The following PPP1R9B variants were observed in gnomAD, a reference collection of about 807,000 sequenced individuals.
PPP1R9B encodes neurabin-2.
PPP1R9B carries 17 observed loss-of-function variants against 75.8 expected under a neutral mutation model. The ratio of observed to expected loss-of-function variants is 0.22; its 90% CI spans 0.15 to 0.34. The LOEUF is 0.34. Among genes scored for constraint, PPP1R9B ranks in the 10% least tolerant of loss-of-function variants. The pLI is 1.00. For synonymous variants in PPP1R9B, 509 were observed against 535.4 expected (o/e 0.95, Z 0.68); for missense variants, 875 against 1,196.0 (o/e 0.73, Z 3.96).
In PPP1R9B at chr17:50,149,007, TG is replaced by T; in HGVS notation, c.1371+135del. On this transcript the variant is annotated intron_variant, in intron 1 of 9. Transcript: ENST00000612501. The surrounding 1 kb of genome is among the most constrained non-coding windows in gnomAD (Gnocchi z 7.2). ...GAACTCCCCCACGCCCCCCTGAGGG[TG>T]GGAACTTCTGGGAAGGGGGCTGGGT... The T allele has an allele frequency of 1.8e-6, 1 of 566,326 alleles. No individual in the cohort carries two copies. The highest frequency in any genetic ancestry group is 2.8e-6 in the Non-Finnish European group (1 of 352,226). 35.1% of individuals were successfully genotyped at this position (566,326 alleles called of 1,614,324 possible).
intron 9 of PPP1R9B, 28 bp from the exon 10 acceptor site, chr17:50,135,412 A>G (rs1469092738): frequency 6.2e-7 from 1 of 1,610,516 alleles, no homozygotes; most frequent in Non-Finnish European, 8.5e-7. Context: ...GTAGGGGGTC[A>G]GGTCTGGACA....
chr17:50,149,312 A>C lies in PPP1R9B; in HGVS notation c.1202T>G (p.Leu401Arg), dbSNP rs769109292. The C allele has an allele frequency of 6.2e-7, 1 of 1,612,646 alleles. No individual in the cohort carries two copies. The highest frequency in any genetic ancestry group is 8.5e-7 in the Non-Finnish European group (1 of 1,179,568). The change falls in exon 1 of 10, where the codon CTC becomes CGC. Residue 401 changes from leucine (L) to arginine (R), a missense_variant. Around this residue, in one of 4 missense-constraint regions of PPP1R9B, gnomAD observed 449 missense variants for 475.0 expected, o/e 0.95. Transcript: ENST00000612501. The surrounding 1 kb of genome is among the most constrained non-coding windows in gnomAD (Gnocchi z 7.2). ...GGCACTGCCCGCAGAGTCCTCCCCG[A>C]GCCCACTGTAGGCGCTCACGTCCAC... is the stretch of plus-strand genomic sequence containing the variant. ...DLVDVSAYSG[L>R]GEDSAGSALE...
At chr17:50,137,688 C>T (rs1396585140) in intron 7 of PPP1R9B, among the ~76,000 whole-genome samples, 1 of 152,192 alleles carries the variant, frequency 6.6e-6, no homozygotes, top group Non-Finnish European at 1.5e-5. Context: ...CCGAAAAATC[C>T]CAATGGCCAC....
rs747092929 is a variant in PPP1R9B at position 50,135,398 on chromosome 17, G to C, written c.2401-14C>G. 3 of 1,613,424 alleles carry C rather than the reference G, an allele frequency of 1.9e-6. No homozygotes were observed. The South Asian group carries it at 3.3e-5, about 18-fold the overall frequency. On this transcript the variant is annotated splice_polypyrimidine_tract_variant and intron_variant, in intron 9 of 9. Transcript: ENST00000612501. Reference sequence around the variant, plus strand: ...CAGTTCTGAGATCTGGAAAACAAAGGAGGGTAGGGGGTCAGGTCTGGACAC... The same window carrying C: ...CAGTTCTGAGATCTGGAAAACAAAGCAGGGTAGGGGGTCAGGTCTGGACAC...
In PPP1R9B at chr17:50,145,504, C is replaced by T. The variant is rs953726064; in HGVS notation, c.1372-259G>A. 4.6e-5 allele frequency among the ~76,000 whole-genome samples: 7 copies of T among 152,274 alleles called. No individual in the cohort carries two copies. The East Asian group carries it at 5.8e-4, about 13-fold the overall frequency. On this transcript the variant is annotated intron_variant, in intron 1 of 9. Coordinates refer to ENST00000612501, the MANE Select transcript of PPP1R9B (RefSeq NM_032595.5). ...CTATTCTCTCTGTAGCTCCAACCAG[C>T]GTGAGCATGGTCTGCCATAGGCACA...
chr17:50,149,616 G>A lies in PPP1R9B; in HGVS notation c.898C>T (p.Pro300Ser), dbSNP rs936193990. ...PKPREVRKIK[P>S]VEVEESGESE... The stretch of plus-strand genomic sequence containing the variant: ...TCCCCGCTCTCCTCCACCTCCACCG[G>A]CTTAATCTTGCGCACCTCCCGGGGC... The change falls in exon 1 of 10, where the codon CCG (proline) becomes TCG (serine). Residue 300 changes from proline to serine, a missense_variant. By Grantham distance (74) the Pro-to-Ser change is moderately conservative (BLOSUM62 -1). This residue lies in a region of PPP1R9B where 449 missense variants were observed against 475.0 expected (regional missense o/e 0.95). Transcript: ENST00000612501. This position sits in a 1 kb window ranked among gnomAD's most constrained non-coding sequence, Gnocchi z 7.2. The A allele has an allele frequency of 1.3e-6, 2 of 1,546,090 alleles. No individual in the cohort carries two copies.
intron 3 of PPP1R9B, 88 bp downstream of exon 3, chr17:50,143,510 C>A: frequency 1.3e-6 from 2 of 1,512,990 alleles, no homozygotes; most frequent in Non-Finnish European, 1.8e-6. Flanking sequence ...GGAAGGCCCG[C>A]CCCACCCCCT....
Position 50,135,208 on chromosome 17 carries a change from G to A in PPP1R9B, c.*123C>T. The stretch of plus-strand genomic sequence containing the variant: ...CTGAAGCTGGGGGAGGTGGGGTGGA[G>A]GGGTGGGGGGAGTCGGGGCACCTGT... On this transcript the variant is annotated 3_prime_UTR_variant, in exon 10 of 10. Transcript: ENST00000612501. The A allele has an allele frequency of 2.8e-6, 2 of 718,998 alleles. No homozygotes were observed. The highest frequency in any genetic ancestry group is 4.8e-6 in the Non-Finnish European group (2 of 418,658). The allele number at this position is 718,998 out of a possible 1,614,324, so 44.5% of individuals were successfully genotyped here. A position where few individuals can be genotyped will look rare whatever the true frequency, so the allele number is the denominator to read the frequency against.
rs1322238014 is a variant in PPP1R9B at position 50,139,043 on chromosome 17, A to C, written c.2073+220T>G. ...GTGCTATTACGACCTCATTTTATAG[A>C]TGAGGAGGCTGAGGCACAGAGAAGC... On this transcript the variant is annotated intron_variant, in intron 7 of 9. Coordinates refer to ENST00000612501, the MANE Select transcript of PPP1R9B (RefSeq NM_032595.5). The surrounding 1 kb of genome is among the most constrained non-coding windows in gnomAD (Gnocchi z 5.0). Among the ~76,000 whole-genome samples the C allele has an allele frequency of 6.6e-6, 1 of 152,204 alleles. No individual in the cohort carries two copies. The highest frequency in any genetic ancestry group is 2.4e-5 in the African/African-American group (1 of 41,442).
At chr17:50,144,519 AC>A (rs1199190175) in intron 2 of PPP1R9B, among the ~76,000 whole-genome samples, 1 of 152,080 alleles carries the variant, frequency 6.6e-6, no homozygotes, top group Non-Finnish European at 1.5e-5. Flanking sequence ...CAACAAGACC[AC>A]GTGGTCTGCA....
chr17:50,137,641 C>A (rs1005435995), intron 7 of PPP1R9B, among the ~76,000 whole-genome samples: 1 of 152,218 alleles, frequency 6.6e-6, no homozygotes, highest in Non-Finnish European at 1.5e-5. Flanking sequence ...CAGCACTGCC[C>A]ACTTTCATGC....
In PPP1R9B at chr17:50,150,415, G is replaced by A; in HGVS notation, c.99C>T (p.Pro33=). 1 of 1,389,250 alleles carries A rather than the reference G, an allele frequency of 7.2e-7. No individual in the cohort carries two copies. The highest frequency in any genetic ancestry group is 9.4e-7 in the Non-Finnish European group (1 of 1,067,786). 86.1% of individuals were successfully genotyped at this position (1,389,250 alleles called of 1,614,324 possible). The change falls in exon 1 of 10, where the codon CCC becomes CCT. Residue 33 remains proline, a synonymous_variant. Coordinates refer to ENST00000612501, the MANE Select transcript of PPP1R9B (RefSeq NM_032595.5). This position sits in a 1 kb window ranked among gnomAD's most constrained non-coding sequence, Gnocchi z 8.7. The stretch of plus-strand genomic sequence containing the variant: ...GTGCCTCGTCGGGCCCGGGCGCGTC[G>A]GGCGGCTTCAGCGCCTGGATGCCCG... ...YEAGIQALKP[P]DAPGPDEAPK...
At position 50,140,332 on chromosome 17, in the gene PPP1R9B, G is replaced by A. The variant is rs1912342221; in HGVS notation, c.1731-104C>T. On this transcript the variant is annotated intron_variant, in intron 4 of 9. Transcript: ENST00000612501. ...TCCAAACTCAGGCCCTCCCAGGGGA[G>A]GAGAGATGAGAGGGCTGAGTCCGAA... 6 of 1,410,266 alleles carry A rather than the reference G, an allele frequency of 4.3e-6. No individual in the cohort carries two copies. The Admixed American group carries it at 9.1e-5, about 21-fold the overall frequency. The allele number at this position is 1,410,266 out of a possible 1,614,324, so 87.4% of individuals were successfully genotyped here.
At chr17:50,147,418 G>C (rs1912543972) in intron 1 of PPP1R9B, among the ~76,000 whole-genome samples, 1 of 152,230 alleles carries the variant, frequency 6.6e-6, no homozygotes, top group Non-Finnish European at 1.5e-5. Flanking sequence ...CTGTGCCAGG[G>C]TGGGGAGGAG....
rs1375938329 is a variant in PPP1R9B at position 50,141,387 on chromosome 17, A to G, written c.1626-14T>C. On this transcript the variant is annotated splice_polypyrimidine_tract_variant and intron_variant, in intron 3 of 9. Coordinates refer to ENST00000612501, the MANE Select transcript of PPP1R9B (RefSeq NM_032595.5). Reference sequence around the variant, plus strand: ...TTCACCTGGATCCTAGCGGAGTGACATTGGTTAAGGGGTCACAGGGGAACC... The same window carrying G: ...TTCACCTGGATCCTAGCGGAGTGACGTTGGTTAAGGGGTCACAGGGGAACC... 2.5e-5 allele frequency: 38 copies of G among 1,550,508 alleles called. No individual in the cohort carries two copies. The highest frequency in any genetic ancestry group is 3.2e-5 in the Non-Finnish European group (37 of 1,143,364).
intron 7 of PPP1R9B, among the ~76,000 whole-genome samples, chr17:50,138,499 G>A (rs1912287775): frequency 6.6e-6 from 1 of 152,106 alleles, no homozygotes; most frequent in Non-Finnish European, 1.5e-5. Flanking sequence ...GTCAGTGTGT[G>A]TACTTCTGGG....
At chr17:50,141,897 C>T (rs2144447711) in intron 3 of PPP1R9B, among the ~76,000 whole-genome samples, 1 of 152,298 alleles carries the variant, frequency 6.6e-6, no homozygotes, top group East Asian at 1.9e-4. Flanking sequence ...GACAATCACA[C>T]TCTTGTCCCC....
In PPP1R9B at chr17:50,149,723, TC is replaced by T; in HGVS notation, c.790del (p.Asp264MetfsTer55). The T allele has an allele frequency of 7.1e-7, 1 of 1,404,772 alleles. No homozygotes were observed. The highest frequency in any genetic ancestry group is 9.2e-7 in the Non-Finnish European group (1 of 1,088,186). The allele number at this position is 1,404,772 out of a possible 1,614,324, so 87.0% of individuals were successfully genotyped here. ...PPPPPPAPSGDAPAEKERCPA... is the reference protein window; with the variant it reads ...PPPPPPAPSGXAPAEKERCPA... ...GCATCGCTCTTTCTCGGCCGGGGCA[TC>T]CCCCGACGGGGCGGGCGGCGGCGGC... On this transcript the variant is annotated frameshift_variant, in exon 1 of 10. Coordinates refer to ENST00000612501, the MANE Select transcript of PPP1R9B (RefSeq NM_032595.5). LOFTEE classifies it high-confidence loss of function. This position sits in a 1 kb window ranked among gnomAD's most constrained non-coding sequence, Gnocchi z 7.2.
chr17:50,140,627 C>T (rs1313756639), intron 4 of PPP1R9B, among the ~76,000 whole-genome samples: 2 of 152,178 alleles, frequency 1.3e-5, no homozygotes, highest in African/African-American at 2.4e-5. Context: ...CCCTGAGCTT[C>T]AGGAAGGGGC....
Sources: allele counts gnomAD v4.1 joint callset (sites outside exome capture counted in the v4.1 genomes callset), GRCh38; gene constraint gnomAD v4.1.1; regional missense constraint gnomAD v4.1.1; non-coding constraint Gnocchi (gnomAD v3.1); transcripts MANE v1.5; gene names NCBI Gene and HGNC (gene_info 2026-07-23, HGNC 2026-07-21).